The following PCK1 variants were observed in gnomAD, a reference collection of about 807,000 sequenced individuals.
PCK1 encodes the protein phosphoenolpyruvate carboxykinase 1.
A neutral mutation model predicts 50.3 loss-of-function variants in PCK1; 44 were observed. The ratio of observed to expected loss-of-function variants is 0.87; its 90% confidence interval spans 0.69 to 1.12. The LOEUF (loss-of-function observed/expected upper bound fraction) is 1.12, where lower values mean the gene tolerates loss of function less well. Among genes scored for constraint, PCK1 ranks in the 50% most tolerant of loss-of-function variants. The probability of loss-of-function intolerance (pLI) is 0.00; values close to 1 mark genes in which losing one functional copy is unlikely to be tolerated. For synonymous variants in PCK1, 332 were observed against 314.3 expected, an observed-to-expected ratio of 1.06 and a Z score of -0.59; for missense variants, 790 against 815.0, an observed-to-expected ratio of 0.97 and a Z score of 0.37.
rs1388016209 is a variant in PCK1, at chr20:57,567,797, T to TAACTG, written c.*1994_*1995insACTGA. ...CCACTGTCCTATTACGGGCTTTCAG[T>TAACTG]AGTCTCCACTCCCTCGGCAGGCAAA... On this transcript the variant is annotated 3_prime_UTR_variant, in exon 10 of 10. Transcript: ENST00000319441. 6.6e-6 allele frequency: 1 copy of TAACTG among 152,298 alleles called. No individual in the cohort carries two copies. Among genetic ancestry groups the TAACTG allele is most frequent in the African/African-American group, 2.4e-5 (1 of 41,416 alleles). 9.4% of individuals were successfully genotyped at this position (152,298 alleles called of 1,614,324 possible).
At chr20:57,565,200 T>C (rs1393415942) in intron 9 of PCK1, 65 bp downstream of exon 9, 3 of 1,357,920 alleles carry the variant, frequency 2.2e-6, no homozygotes, top group Non-Finnish European at 3.2e-6. Context: ...GTCACTCTTA[T>C]GTCTCTCTCC....
intron 5 of PCK1, 94 bp from the exon 6 acceptor site, chr20:57,563,471 G>T: frequency 1.2e-6 from 1 of 827,762 alleles, no homozygotes; most frequent in Non-Finnish European, 1.9e-6. Flanking sequence ...TGAAGAAATA[G>T]ATCTTGAGGG....
rs2070164639 is a variant in PCK1 at position 57,563,024 on chromosome 20, A to T, written c.611-4A>T. 1.2e-6 allele frequency: 2 copies of T among 1,611,664 alleles called. No individual in the cohort carries two copies. Among genetic ancestry groups the T allele is most frequent in the Non-Finnish European group, 1.7e-6 (2 of 1,178,236 alleles). ...ACTGACTTGGGAGGGGTCCTTGTTC[A>T]CAGAGCCTTTGGTCAACAACTGGCC... On this transcript the variant is annotated splice_polypyrimidine_tract_variant and splice_region_variant and intron_variant, in intron 4 of 9. Coordinates refer to ENST00000319441, the MANE Select transcript of PCK1 (RefSeq NM_002591.4).
Position 57,565,518 on chromosome 20 carries a change from C to T in PCK1, c.1583C>T (p.Pro528Leu), listed in dbSNP as rs145570510. 3.9e-5 allele frequency: 63 copies of T among 1,614,098 alleles called. No individual in the cohort carries two copies. The African/African-American group carries it at 8.0e-4, about 21-fold the overall frequency. ...GACAAGGAAGGCAAATTCCTCTGGC[C>T]AGGCTTTGGAGAGAACTCCAGGGTG... ...RKDKEGKFLW[P>L]GFGENSRVLE... Residue 528 changes from proline (P) to leucine (L), a missense_variant, in exon 10 of 10, where the codon CCA (proline) becomes CTA (leucine). Transcript: ENST00000319441.
rs767941725 is a variant in PCK1 at position 57,565,714 on chromosome 20, G to C, written c.1779G>C (p.Glu593Asp). Reference protein sequence around the residue: ...EFWEKEVEDIEKYLEDQVNAD... With the variant: ...EFWEKEVEDIDKYLEDQVNAD... ...GGGAGAAGGAGGTGGAAGACATCGA[G>C]AAGTATCTGGAGGATCAAGTCAATG... is the stretch of plus-strand genomic sequence containing the variant. The change falls in exon 10 of 10, where the codon GAG becomes GAC. Residue 593 changes from glutamate to aspartate, a missense_variant. Coordinates refer to ENST00000319441, the MANE Select transcript of PCK1 (RefSeq NM_002591.4). The C allele has an allele frequency of 6.2e-7, 1 of 1,613,834 alleles. No homozygotes were observed. The highest frequency in any genetic ancestry group is 1.7e-5 in the Admixed American group (1 of 60,028).
rs1600706471 is a variant in PCK1 at position 57,562,379 on chromosome 20, T to G, written c.406+127T>G. On this transcript the variant is annotated intron_variant, in intron 3 of 9. Transcript: ENST00000319441. ...CTCAGATGTCTTTCAGTTCCATACA[T>G]GAAGTTGGCAATGTATTGAAAATGC... 4.9e-5 allele frequency: 39 copies of G among 800,706 alleles called. No individual in the cohort carries two copies. In the East Asian group the frequency reaches 1.0e-3, roughly 21 times the overall value. The allele number at this position is 800,706 out of a possible 1,614,324, so 49.6% of individuals were successfully genotyped here.
intron 8 of PCK1, 64 bp from the exon 9 acceptor site, chr20:57,564,976 C>T: frequency 2.6e-6 from 3 of 1,173,244 alleles, no homozygotes; most frequent in Non-Finnish European, 3.8e-6. Context: ...AATAACACCA[C>T]TGGTTGTGGA....
In PCK1 at chr20:57,563,090, C is replaced by T. The variant is rs770807520; in HGVS notation, c.673C>T (p.Arg225Cys). 21 of 1,614,098 alleles carry T rather than the reference C, an allele frequency of 1.3e-5. No homozygotes were observed. The highest frequency in any genetic ancestry group is 6.7e-5 in the East Asian group (3 of 44,866). ...GACGCTCATCGCCCACCTGCCTGAC[C>T]GCAGAGAGATCATCTCCTTTGGCAG... ...ELTLIAHLPD[R>C]REIISFGSGY... Residue 225 changes from arginine to cysteine, a missense_variant, in exon 5 of 10, where the codon CGC becomes TGC. Coordinates refer to ENST00000319441, the MANE Select transcript of PCK1 (RefSeq NM_002591.4).
intron 2 of PCK1, 95 bp downstream of exon 2, chr20:57,561,730 C>A (rs770135580): frequency 1.2e-6 from 1 of 826,642 alleles, no homozygotes; most frequent in Non-Finnish European, 2.0e-6. Context: ...TGAAGGCCTT[C>A]GGGTAGTTTC....
rs1043316979 is a variant in PCK1, at chr20:57,566,625, A to C, written c.*821A>C. The C allele has an allele frequency of 1.3e-5, 2 of 152,182 alleles. No individual in the cohort carries two copies. The highest frequency in any genetic ancestry group is 2.9e-5 in the Non-Finnish European group (2 of 68,048). The allele number at this position is 152,182 out of a possible 1,614,324, so 9.4% of individuals were successfully genotyped here. ...GGTCCCAGGGAGAAGGAGGGAGCAG[A>C]TGGGGAGGAATGAGGCAGGGAACCA... On this transcript the variant is annotated 3_prime_UTR_variant, in exon 10 of 10. Coordinates refer to ENST00000319441, the MANE Select transcript of PCK1 (RefSeq NM_002591.4).
intron 4 of PCK1, 35 bp downstream of exon 4, chr20:57,562,934 A>G: frequency 6.3e-7 from 1 of 1,590,264 alleles, no homozygotes; most frequent in Non-Finnish European, 8.6e-7. Context: ...AAGTCAAAAT[A>G]AAAAAGAAAG....
At position 57,564,574 on chromosome 20, in the gene PCK1, C is replaced by T. The variant is rs28359550; in HGVS notation, c.1279C>T (p.Pro427Ser). 2.6e-4 allele frequency: 425 copies of T among 1,611,842 alleles called. 2 individuals carry two copies. In the African/African-American group the frequency reaches 4.2e-3, roughly 16 times the overall value. Residue 427 changes from proline (P) to serine (S), a missense_variant, in exon 8 of 10, where the codon CCC (proline) becomes TCC (serine). Pro to Ser is a moderately conservative substitution (Grantham distance 74). Transcript: ENST00000319441. The stretch of plus-strand genomic sequence containing the variant: ...TGCCTGGGAGTCTCCGGAAGGTGTT[C>T]CCATTGAAGGCATTATCTTTGGAGG... Reference protein sequence around the residue: ...DAAWESPEGVPIEGIIFGGRR... With the variant: ...DAAWESPEGVSIEGIIFGGRR...
intron 8 of PCK1, 95 bp from the exon 9 acceptor site, chr20:57,564,945 G>T (rs888708387): frequency 1.1e-6 from 1 of 906,670 alleles, no homozygotes; most frequent in Non-Finnish European, 1.8e-6. Flanking sequence ...TTATTGTCTT[G>T]CCGTGTCTTT....
In PCK1 at chr20:57,562,071, C is replaced by G. The variant is rs1157282768; in HGVS notation, c.225C>G (p.Cys75Trp). 1 of 1,610,650 alleles carries G rather than the reference C, an allele frequency of 6.2e-7. No homozygotes were observed. The highest frequency in any genetic ancestry group is 1.1e-5 in the South Asian group (1 of 90,488). Reference sequence around the variant, plus strand: ...GAAAGGAAGCCTGTGATTTTTGCAGCTGGTTGGCTCTCACTGACCCCAGGG... The same window carrying G: ...GAAAGGAAGCCTGTGATTTTTGCAGGTGGTTGGCTCTCACTGACCCCAGGG... ...ILRRLKKYDN[C>W]WLALTDPRDV... The change falls in exon 3 of 10, where the codon TGC becomes TGG. Residue 75 changes from cysteine to tryptophan, a missense_variant and splice_region_variant. Coordinates refer to ENST00000319441, the MANE Select transcript of PCK1 (RefSeq NM_002591.4).
Position 57,565,662 on chromosome 20 carries a change from A to C in PCK1, c.1727A>C (p.Glu576Ala). 6.2e-7 allele frequency: 1 copy of C among 1,614,098 alleles called. No individual in the cohort carries two copies. Among genetic ancestry groups the C allele is most frequent in the Non-Finnish European group, 8.5e-7 (1 of 1,180,018 alleles). The change falls in exon 10 of 10, where the codon GAG (glutamate) becomes GCG (alanine). Residue 576 changes from glutamate (E) to alanine (A), a missense_variant. Coordinates refer to ENST00000319441, the MANE Select transcript of PCK1 (RefSeq NM_002591.4). ...GGCCTGGGGCACATCAACATGATGG[A>C]GCTTTTCAGCATCTCCAAGGAATTC... ...LKGLGHINMMELFSISKEFWE... is the reference protein window; with the variant it reads ...LKGLGHINMMALFSISKEFWE...
At position 57,562,773 on chromosome 20, in the gene PCK1, G is replaced by T. The variant is rs1280567586; in HGVS notation, c.484G>T (p.Asp162Tyr). The change falls in exon 4 of 10, where the codon GAT becomes TAT. Residue 162 changes from aspartate to tyrosine, a missense_variant. Asp to Tyr is a radical substitution (Grantham distance 160). Coordinates refer to ENST00000319441, the MANE Select transcript of PCK1 (RefSeq NM_002591.4). ...GTCAAAGATCGGCATCGAGCTGACG[G>T]ATTCACCCTACGTGGTGGCCAGCAT... ...PLSKIGIELT[D>Y]SPYVVASMRI... 1.9e-6 allele frequency: 3 copies of T among 1,614,002 alleles called. No homozygotes were observed. The highest frequency in any genetic ancestry group is 1.7e-5 in the Admixed American group (1 of 60,006).
In PCK1 at chr20:57,567,739, G is replaced by A. The variant is rs910843320; in HGVS notation, c.*1935G>A. 1.3e-5 allele frequency: 2 copies of A among 152,196 alleles called. No individual in the cohort carries two copies. Among genetic ancestry groups the A allele is most frequent in the Admixed American group, 1.3e-4 (2 of 15,270 alleles). 9.4% of individuals were successfully genotyped at this position (152,196 alleles called of 1,614,324 possible). On this transcript the variant is annotated 3_prime_UTR_variant, in exon 10 of 10. Transcript: ENST00000319441. ...CTTGGACCCCTGAAAGAGGCCACCA[G>A]GATAAACTTTGTTAAAATGCATGCC...
At position 57,563,626 on chromosome 20, in the gene PCK1, C is replaced by T. The variant is rs2070174207; in HGVS notation, c.860C>T (p.Ala287Val). Residue 287 changes from alanine to valine, a missense_variant, in exon 6 of 10, where the codon GCC (alanine) becomes GTC (valine). By Grantham distance (64) the Ala-to-Val change is moderately conservative. Transcript: ENST00000319441. ...KKYLAAAFPS[A>V]CGKTNLAMMN... Reference sequence around the variant, plus strand: ...TACCTGGCGGCCGCATTTCCCAGCGCCTGCGGGAAGACCAACCTGGCCATG... The same window carrying T: ...TACCTGGCGGCCGCATTTCCCAGCGTCTGCGGGAAGACCAACCTGGCCATG... 3.1e-6 allele frequency: 5 copies of T among 1,612,402 alleles called. No homozygotes were observed. The highest frequency in any genetic ancestry group is 1.1e-5 in the South Asian group (1 of 91,042).
chr20:57,567,759 C>T lies in PCK1; in HGVS notation c.*1955C>T, dbSNP rs1236943232. On this transcript the variant is annotated 3_prime_UTR_variant, in exon 10 of 10. Coordinates refer to ENST00000319441, the MANE Select transcript of PCK1 (RefSeq NM_002591.4). ...CACCAGGATAAACTTTGTTAAAATG[C>T]ATGCCTTGTGCCCCACTGTCCTATT... The T allele has an allele frequency of 6.6e-6, 1 of 152,258 alleles. No homozygotes were observed. Among genetic ancestry groups the T allele is most frequent in the Non-Finnish European group, 1.5e-5 (1 of 68,062 alleles). The allele number at this position is 152,258 out of a possible 1,614,324, so 9.4% of individuals were successfully genotyped here. A position where few individuals can be genotyped will look rare whatever the true frequency, so the allele number is the denominator to read the frequency against.
Sources: gnomAD v4.1 joint callset for allele counts on GRCh38, gnomAD v4.1.1 for gene constraint, MANE v1.5 for transcripts, NCBI Gene and HGNC (gene_info 2026-07-23, HGNC 2026-07-21) for gene names.